The following GOLPH3 variants were observed in gnomAD, a reference collection of about 807,000 sequenced individuals.
The protein encoded by GOLPH3 is coat protein GPP34.
Under a neutral mutation model 28.5 loss-of-function variants are expected in GOLPH3, and 14 were observed. That is an observed-to-expected ratio of 0.49 (90% CI 0.32 to 0.77). The LOEUF (loss-of-function observed/expected upper bound fraction) is 0.77, where lower values mean the gene tolerates loss of function less well. Ranked by LOEUF, GOLPH3 falls within the 30% of genes least tolerant of loss-of-function variation. The pLI is 0.03. For synonymous variants in GOLPH3, 158 were observed against 159.2 expected (o/e 0.99, Z 0.06); for missense variants, 350 against 393.7 (o/e 0.89, Z 0.94).
At chr5:32,153,579 T>C (rs1234430173) in intron 1 of GOLPH3, among the ~76,000 whole-genome samples, 2 of 152,160 alleles carry the variant, frequency 1.3e-5, no homozygotes, top group Non-Finnish European at 2.9e-5. Flanking sequence ...AGTCAATTAG[T>C]AGTAATGTTG....
rs560895832 is a variant in GOLPH3, at chr5:32,135,629, G to A, written c.415C>T (p.His139Tyr). The change falls in exon 3 of 4, where the codon CAT becomes TAT. Residue 139 changes from histidine to tyrosine, a missense_variant. Transcript: ENST00000265070. ...TCTGGAGGCTGAGTTTCCTTAACATGCTTCAGAGCTTCATCAAGAAGAACA... is the reference window on the plus strand; with the variant it reads ...TCTGGAGGCTGAGTTTCCTTAACATACTTCAGAGCTTCATCAAGAAGAACA... ...GDVLLDEALK[H>Y]VKETQPPETV... is the part of the protein sequence containing the mutation. The A allele has an allele frequency of 1.2e-6, 2 of 1,613,724 alleles. No homozygotes were observed. Among genetic ancestry groups the A allele is most frequent in the Non-Finnish European group, 1.7e-6 (2 of 1,179,714 alleles).
intron 3 of GOLPH3, among the ~76,000 whole-genome samples, chr5:32,134,503 C>A (rs1745890745): frequency 6.7e-6 from 1 of 150,074 alleles, no homozygotes; most frequent in South Asian, 2.1e-4. Flanking sequence ...GCCACCATGC[C>A]TGGCCAAAAA....
chr5:32,141,949 C>A (rs1024861254), intron 2 of GOLPH3, among the ~76,000 whole-genome samples: 1 of 151,990 alleles, frequency 6.6e-6, no homozygotes, highest in Admixed American at 6.5e-5. Flanking sequence ...GATCTCGGCT[C>A]GCTACAACCT....
At chr5:32,127,851 A>G (rs1561654610) in intron 3 of GOLPH3, among the ~76,000 whole-genome samples, 1 of 152,190 alleles carries the variant, frequency 6.6e-6, no homozygotes, top group Non-Finnish European at 1.5e-5. Flanking sequence ...TTCAGACACT[A>G]GTCAAAAGCA....
intron 1 of GOLPH3, among the ~76,000 whole-genome samples, chr5:32,172,331 AC>A (rs1370768310): frequency 6.6e-6 from 1 of 151,844 alleles, no homozygotes; most frequent in East Asian, 1.9e-4. Flanking sequence ...AGTTTCAGTG[AC>A]CAAGAAAGAT....
intron 3 of GOLPH3, among the ~76,000 whole-genome samples, chr5:32,134,346 C>A (rs1745886956): frequency 6.6e-6 from 1 of 152,034 alleles, no homozygotes; most frequent in South Asian, 2.1e-4. Context: ...GCTGGGACCA[C>A]AGGCATGTGC....
chr5:32,155,793 ACTAAAAAT>A (rs143048501), intron 1 of GOLPH3, among the ~76,000 whole-genome samples: 81,205 of 151,038 alleles, frequency 0.54, 23,126 homozygotes, highest in Non-Finnish European at 0.63. Context: ...CCCTGTCTCT[ACTAAAAAT>A]ATAAAATTAG....
intron 1 of GOLPH3, among the ~76,000 whole-genome samples, chr5:32,160,928 G>A (rs527471658): frequency 6.6e-6 from 1 of 152,120 alleles, no homozygotes; most frequent in South Asian, 2.1e-4. Flanking sequence ...TTAGCCAGGC[G>A]TGGTGGCGGG....
intron 3 of GOLPH3, among the ~76,000 whole-genome samples, chr5:32,128,057 G>C (rs1745722671): frequency 6.6e-6 from 1 of 152,162 alleles, no homozygotes; most frequent in Non-Finnish European, 1.5e-5. Context: ...CAGACTACTG[G>C]AGAAGGGGGA....
chr5:32,136,625 AAATTAT>A (rs1354760595), intron 2 of GOLPH3, among the ~76,000 whole-genome samples: 18 of 152,236 alleles, frequency 1.2e-4, no homozygotes, highest in Non-Finnish European at 1.2e-4. Context: ...AAATAAGACT[AAATTAT>A]ATTTAAGAAT....
rs755286367 is a variant in GOLPH3, at chr5:32,135,646, A to G, written c.398T>C (p.Leu133Pro). Reference sequence around the variant, plus strand: ...CTTAACATGCTTCAGAGCTTCATCAAGAAGAACATCCCCTGTTGGAGCATC... The same window carrying G: ...CTTAACATGCTTCAGAGCTTCATCAGGAAGAACATCCCCTGTTGGAGCATC... ...KSDAPTGDVL[L>P]DEALKHVKET... Residue 133 changes from leucine (L) to proline (P), a missense_variant, in exon 3 of 4, where the codon CTT (leucine) becomes CCT (proline). By Grantham distance (98) the Leu-to-Pro change is moderately conservative. Transcript: ENST00000265070. 2 of 1,613,738 alleles carry G rather than the reference A, an allele frequency of 1.2e-6. No homozygotes were observed. Among genetic ancestry groups the G allele is most frequent in the African/African-American group, 1.3e-5 (1 of 74,928 alleles).
At chr5:32,138,783 T>C (rs1014981522) in intron 2 of GOLPH3, among the ~76,000 whole-genome samples, 1 of 152,222 alleles carries the variant, frequency 6.6e-6, no homozygotes, top group Non-Finnish European at 1.5e-5. Context: ...TAGATGTATG[T>C]AGCTAGTAGC....
At chr5:32,141,406 T>G (rs1468044271) in intron 2 of GOLPH3, among the ~76,000 whole-genome samples, 2 of 152,188 alleles carry the variant, frequency 1.3e-5, no homozygotes, top group East Asian at 3.9e-4. Context: ...AACTAGCCAA[T>G]ATTACCTCTA....
chr5:32,168,410 A>G (rs191317560), intron 1 of GOLPH3, among the ~76,000 whole-genome samples: 22 of 152,310 alleles, frequency 1.4e-4, no homozygotes, highest in African/African-American at 5.3e-4. Flanking sequence ...AATCTTAAGT[A>G]TTTTACCCCA....
intron 1 of GOLPH3, among the ~76,000 whole-genome samples, chr5:32,161,628 G>T (rs559589225): frequency 1.3e-5 from 2 of 151,360 alleles, no homozygotes; most frequent in African/African-American, 4.9e-5. Flanking sequence ...CATTTTGGAG[G>T]CTTGGAGGCT....
intron 1 of GOLPH3, among the ~76,000 whole-genome samples, chr5:32,150,499 T>A (rs1025901881): frequency 6.6e-6 from 1 of 150,408 alleles, no homozygotes; most frequent in Non-Finnish European, 1.5e-5. Flanking sequence ...GCTGTCCTAC[T>A]AGATACTAAA....
chr5:32,173,612 A>AG (rs1746897557), intron 1 of GOLPH3, 198 bp downstream of exon 1: 2 of 389,008 alleles, frequency 5.1e-6, no homozygotes, highest in Admixed American at 4.6e-5. Flanking sequence ...GGGAGGATCC[A>AG]GAAAGCACCA....
intron 1 of GOLPH3, among the ~76,000 whole-genome samples, chr5:32,145,041 G>C (rs1379568069): frequency 6.6e-6 from 1 of 152,202 alleles, no homozygotes; most frequent in Non-Finnish European, 1.5e-5. Flanking sequence ...GGATTAGGAA[G>C]GCCTGGCCCT....
At chr5:32,157,491 T>TC (rs1345037910) in intron 1 of GOLPH3, among the ~76,000 whole-genome samples, 1 of 152,136 alleles carries the variant, frequency 6.6e-6, no homozygotes. Flanking sequence ...TACACTACCT[T>TC]CAACTACACC....
Sources: allele counts gnomAD v4.1 joint callset (sites outside exome capture counted in the v4.1 genomes callset), GRCh38; gene constraint gnomAD v4.1.1; transcripts MANE v1.5; gene names NCBI Gene and HGNC (gene_info 2026-07-23, HGNC 2026-07-21).